The following ESCO1 variants were observed in gnomAD, a reference collection of about 807,000 sequenced individuals.
ESCO1 encodes establishment of sister chromatid cohesion N-acetyltransferase 1.
ESCO1 carries 33 observed loss-of-function variants against 83.5 expected under a neutral mutation model. The ratio of observed to expected loss-of-function variants is 0.40; its 90% CI spans 0.30 to 0.53. The LOEUF is 0.53. Among genes scored for constraint, ESCO1 ranks in the 20% least tolerant of loss-of-function variants. The pLI is 0.63. For missense variants in ESCO1, 855 were observed against 968.0 expected (o/e 0.88, Z 1.55); for synonymous variants, 332 against 324.3 (o/e 1.02, Z -0.25).
chr18:21,549,839 T>A (rs1174648691), intron 8 of ESCO1, among the ~76,000 whole-genome samples: 2 of 151,344 alleles, frequency 1.3e-5, no homozygotes, highest in Non-Finnish European at 2.9e-5. Context: ...TGGTGGCACA[T>A]GCCTGTAATC....
At position 21,560,991 on chromosome 18, in the gene ESCO1, C is replaced by T. The variant is rs2038178160; in HGVS notation, c.1822-1G>A. On this transcript the variant is annotated splice_acceptor_variant, in intron 7 of 11. Transcript: ENST00000269214. LOFTEE classifies it high-confidence loss of function. ...CTCCAAATCTTTTTTGTCCTGCATC[C>T]TATTTACAAAAAACACACAAAAGTT... 1 of 1,575,404 alleles carries T rather than the reference C, an allele frequency of 6.3e-7. No individual in the cohort carries two copies. The highest frequency in any genetic ancestry group is 1.9e-5 in the Admixed American group (1 of 51,528).
chr18:21,540,102 A>T, intron 8 of ESCO1, 93 bp from the exon 9 acceptor site: 3 of 1,150,426 alleles, frequency 2.6e-6, no homozygotes, highest in Non-Finnish European at 3.6e-6. Flanking sequence ...TAAAAAGTAC[A>T]TCAATTTGTC....
In ESCO1 at chr18:21,584,911, G is replaced by A. The variant is rs535146658; in HGVS notation, c.-824-471C>T. Among the ~76,000 whole-genome samples, 7 of 152,146 alleles carry A rather than the reference G, an allele frequency of 4.6e-5. No homozygotes were observed. In the East Asian group the frequency reaches 1.4e-3, roughly 29 times the overall value. ...TGTAATCCCAGAACTTTGGGAGGCCGAGGCGGGTGGATAACGAGGTCAGTT... is the reference window on the plus strand; with the variant it reads ...TGTAATCCCAGAACTTTGGGAGGCCAAGGCGGGTGGATAACGAGGTCAGTT... On this transcript the variant is annotated intron_variant, in intron 1 of 11. Coordinates refer to ENST00000269214, the MANE Select transcript of ESCO1 (RefSeq NM_052911.3).
intron 8 of ESCO1, among the ~76,000 whole-genome samples, chr18:21,541,834 A>T (rs987925181): frequency 2.6e-5 from 4 of 152,192 alleles, no homozygotes; most frequent in Non-Finnish European, 5.9e-5. Flanking sequence ...TTATAAGAAA[A>T]CCATTCTTCC....
At position 21,529,420 on chromosome 18, in the gene ESCO1, A is replaced by G; in HGVS notation, c.*923T>C. 1 of 152,380 alleles carries G rather than the reference A, an allele frequency of 6.6e-6. No homozygotes were observed. Among genetic ancestry groups the G allele is most frequent in the Non-Finnish European group, 1.5e-5 (1 of 68,038 alleles). 9.4% of individuals were successfully genotyped at this position (152,380 alleles called of 1,614,324 possible). A position where few individuals can be genotyped will look rare whatever the true frequency, so the allele number is the denominator to read the frequency against. ...TTAAAAGTAGAGGGCACTATGAAGG[A>G]TAGACAAGTATCAAAATGAAGTCCA... On this transcript the variant is annotated 3_prime_UTR_variant, in exon 12 of 12. Transcript: ENST00000269214.
chr18:21,543,285 G>A (rs2146177496), intron 8 of ESCO1, among the ~76,000 whole-genome samples: 1 of 152,308 alleles, frequency 6.6e-6, no homozygotes, highest in African/African-American at 2.4e-5. Flanking sequence ...CTCCCGAGTA[G>A]TTGGGATCAC....
At position 21,584,328 on chromosome 18, in the gene ESCO1, C is replaced by A. The variant is rs1307832363; in HGVS notation, c.-712G>T. ...CACTTACCTTAAAGAAATAATATAT[C>A]ACCTTTTTCTTCAAGTTGATTGATG... is the stretch of plus-strand genomic sequence containing the variant. On this transcript the variant is annotated 5_prime_UTR_variant, in exon 2 of 12. Transcript: ENST00000269214. 1 of 151,524 alleles carries A rather than the reference C, an allele frequency of 6.6e-6. No individual in the cohort carries two copies. The highest frequency in any genetic ancestry group is 2.4e-5 in the African/African-American group (1 of 41,184). The allele number at this position is 151,524 out of a possible 1,614,324, so 9.4% of individuals were successfully genotyped here. A position where few individuals can be genotyped will look rare whatever the true frequency, so the allele number is the denominator to read the frequency against.
Position 21,574,338 on chromosome 18 carries a change from T to G in ESCO1, c.506A>C (p.Lys169Thr), listed in dbSNP as rs1177845462. The change falls in exon 4 of 12, where the codon AAA (lysine) becomes ACA (threonine). Residue 169 changes from lysine to threonine, a missense_variant. Lys to Thr is a moderately conservative substitution (Grantham distance 78). This residue lies in a region of ESCO1 where 726 missense variants were observed against 699.5 expected (regional missense o/e 1.04). Coordinates refer to ENST00000269214, the MANE Select transcript of ESCO1 (RefSeq NM_052911.3). ...QCSSTQSKSN[K>T]TSQKHVKRKV... Reference sequence around the variant, plus strand: ...TCTCTTCACATGTTTTTGACTTGTTTTATTAGATTTACTCTGAGTACTGCT... The same window carrying G: ...TCTCTTCACATGTTTTTGACTTGTTGTATTAGATTTACTCTGAGTACTGCT... The G allele has an allele frequency of 6.2e-7, 1 of 1,613,854 alleles. No individual in the cohort carries two copies. The highest frequency in any genetic ancestry group is 8.5e-7 in the Non-Finnish European group (1 of 1,179,996).
chr18:21,543,757 C>T (rs1173613381), intron 8 of ESCO1, among the ~76,000 whole-genome samples: 2 of 151,600 alleles, frequency 1.3e-5, no homozygotes, highest in African/African-American at 4.9e-5. Context: ...ACAAATATTA[C>T]AAGGGAAAAA....
At chr18:21,535,806 G>C (rs1013357766) in intron 10 of ESCO1, among the ~76,000 whole-genome samples, 1 of 152,238 alleles carries the variant, frequency 6.6e-6, no homozygotes, top group Non-Finnish European at 1.5e-5. Context: ...GTGAGCCAGT[G>C]TGCCCAGCCT....
At position 21,574,728 on chromosome 18, in the gene ESCO1, G is replaced by C. The variant is rs866142030; in HGVS notation, c.116C>G (p.Ser39Ter). ...TGATTTTATAGTCTCCTTTGGACCT[G>C]ATTTTTTTGCTAGATTCTTTTGAGA... Reference protein sequence around the residue: ...QDSQKNLAKKSGPKETIKSQA... With the variant: ...QDSQKNLAKK The change falls in exon 4 of 12, where the codon TCA (serine) becomes TGA (stop). Residue 39 changes from serine (S) to a stop codon, truncating the protein, a stop_gained. Transcript: ENST00000269214. LOFTEE classifies it high-confidence loss of function. The C allele has an allele frequency of 1.2e-6, 2 of 1,611,158 alleles. No homozygotes were observed. The highest frequency in any genetic ancestry group is 1.3e-5 in the African/African-American group (1 of 74,858).
rs907577094 is a variant in ESCO1, at chr18:21,529,461, A to G, written c.*882T>C. The G allele has an allele frequency of 2.0e-5, 3 of 152,246 alleles. No homozygotes were observed. The highest frequency in any genetic ancestry group is 7.2e-5 in the African/African-American group (3 of 41,458). 9.4% of individuals were successfully genotyped at this position (152,246 alleles called of 1,614,324 possible). A position where few individuals can be genotyped will look rare whatever the true frequency, so the allele number is the denominator to read the frequency against. ...ATGAAGTCCAGTAATGAGGGCATAT[A>G]CTCAGTGCAGTATTTCTGAGGAATA... On this transcript the variant is annotated 3_prime_UTR_variant, in exon 12 of 12. Transcript: ENST00000269214.
At chr18:21,571,177 A>C (rs1416768882) in intron 4 of ESCO1, among the ~76,000 whole-genome samples, 1 of 152,086 alleles carries the variant, frequency 6.6e-6, no homozygotes, top group Non-Finnish European at 1.5e-5. Context: ...TTAACATAGC[A>C]ACAAGTTTCT....
At chr18:21,547,061 CCTA>C (rs796589621) in intron 8 of ESCO1, among the ~76,000 whole-genome samples, 6 of 152,316 alleles carry the variant, frequency 3.9e-5, no homozygotes, top group African/African-American at 1.4e-4. Context: ...TCAAGGGACT[CCTA>C]CTTATCCTTT....
Position 21,573,297 on chromosome 18 carries a change from T to C in ESCO1, c.1530+17A>G. 1.9e-6 allele frequency: 3 copies of C among 1,545,778 alleles called. No individual in the cohort carries two copies. The highest frequency in any genetic ancestry group is 2.6e-6 in the Non-Finnish European group (3 of 1,154,214). ...AATATTTCGGCACCTCTATTGTGCA[T>C]AATAAAAACAGATTACCTTATTTGA... On this transcript the variant is annotated intron_variant, in intron 4 of 11. Transcript: ENST00000269214.
At chr18:21,565,158 A>G (rs1268294301) in intron 6 of ESCO1, among the ~76,000 whole-genome samples, 4 of 152,204 alleles carry the variant, frequency 2.6e-5, no homozygotes, top group African/African-American at 7.2e-5. Flanking sequence ...TCAGTAAAAA[A>G]ACAAAAACTA....
At chr18:21,596,157 G>C (rs2038763674) in intron 1 of ESCO1, among the ~76,000 whole-genome samples, 1 of 151,830 alleles carries the variant, frequency 6.6e-6, no homozygotes, top group African/African-American at 2.4e-5. Flanking sequence ...GGGAGGCCAA[G>C]GTGGGCAGAT....
intron 1 of ESCO1, among the ~76,000 whole-genome samples, chr18:21,587,152 A>G (rs2038593538): frequency 6.6e-6 from 1 of 152,148 alleles, no homozygotes; most frequent in Admixed American, 6.6e-5. Flanking sequence ...TATTTAGTTG[A>G]GGATTTGTGT....
chr18:21,584,889 A>C (rs2038552077), intron 1 of ESCO1, among the ~76,000 whole-genome samples: 1 of 152,162 alleles, frequency 6.6e-6, no homozygotes. Flanking sequence ...CAACTGCTGT[A>C]ATCCCAGAAC....
Sources: allele counts gnomAD v4.1 joint callset (sites outside exome capture counted in the v4.1 genomes callset), GRCh38; gene constraint gnomAD v4.1.1; regional missense constraint gnomAD v4.1.1; transcripts MANE v1.5; gene names NCBI Gene and HGNC (gene_info 2026-07-23, HGNC 2026-07-21).